CEMIP2: variants seen among roughly 807,000 people sequenced by gnomAD.
The protein encoded by CEMIP2 is cell migration inducing hyaluronidase 2.
A neutral mutation model predicts 146.9 loss-of-function variants in CEMIP2; 79 were observed. The observed-to-expected ratio is 0.54, with a 90% CI of 0.45 to 0.65. The LOEUF is 0.65. Ranked by LOEUF, CEMIP2 falls within the 30% of genes least tolerant of loss-of-function variation. CEMIP2 has a pLI of 0.00. For missense variants in CEMIP2, 1,596 were observed against 1,696.2 expected, an observed-to-expected ratio of 0.94 and a Z score of 1.04; for synonymous variants, 601 against 606.3, an observed-to-expected ratio of 0.99 and a Z score of 0.13.
chr9:71,696,348 T>G, intron 20 of CEMIP2, among the ~76,000 whole-genome samples: 1 of 152,300 alleles, frequency 6.6e-6, no homozygotes. Flanking sequence ...CATATAACTT[T>G]CATATACAGG....
Position 71,709,144 on chromosome 9 carries a change from T to G in CEMIP2, c.2985+115A>C. ...GAAAGGACAGGACAGGACAGGAAGATAGATCATACTTTGGAAAATGTCAAT... is the reference window on the plus strand; with the variant it reads ...GAAAGGACAGGACAGGACAGGAAGAGAGATCATACTTTGGAAAATGTCAAT... On this transcript the variant is annotated intron_variant, in intron 17 of 23. Transcript: ENST00000377044. The G allele has an allele frequency of 3.2e-6, 3 of 929,462 alleles. No individual in the cohort carries two copies. The Admixed American group carries it at 6.0e-5, about 19-fold the overall frequency. 57.6% of individuals were successfully genotyped at this position (929,462 alleles called of 1,614,324 possible). A position where few individuals can be genotyped will look rare whatever the true frequency, so the allele number is the denominator to read the frequency against.
chr9:71,694,524 G>T lies in CEMIP2; in HGVS notation c.3681C>A (p.Asp1227Glu), dbSNP rs562856524. Residue 1227 changes from aspartate (D) to glutamate (E), a missense_variant, in exon 21 of 24, where the codon GAC becomes GAA. Physicochemically the swap from Asp to Glu is conservative, Grantham distance 45. Transcript: ENST00000377044. ...SPDKAETQRG[D>E]PSVISVNGTD... is the part of the protein sequence containing the mutation. ...TGGTACTTACAGAAATAACAGACGG[G>T]TCTCCACGCTGGGTTTCTGCTTTAT... 3.1e-6 allele frequency: 5 copies of T among 1,613,438 alleles called. No homozygotes were observed. The highest frequency in any genetic ancestry group is 1.3e-5 in the African/African-American group (1 of 74,960).
chr9:71,736,343 T>A (rs1289080669), intron 5 of CEMIP2, among the ~76,000 whole-genome samples: 1 of 152,170 alleles, frequency 6.6e-6, no homozygotes, highest in East Asian at 1.9e-4. Flanking sequence ...ACTGCTCACC[T>A]CCTTGGAAGC....
chr9:71,755,961 C>CAAAA lies in CEMIP2; in HGVS notation c.-12-5580_-12-5577dup, dbSNP rs55972127. 2.9e-3 allele frequency among the ~76,000 whole-genome samples: 152 copies of CAAAA among 52,872 alleles called. 17 individuals are homozygous for CAAAA. The highest frequency in any genetic ancestry group is 9.0e-3 in the African/African-American group (98 of 10,934). 34.7% of individuals were successfully genotyped at this position (52,872 alleles called of 152,430 possible). On this transcript the variant is annotated intron_variant, in intron 1 of 23. Transcript: ENST00000377044. ...GGTGACAGAGCATGACTCTGTCTCACAAAAAAAAAAAAAAAAAAAAAAAAA... is the reference window on the plus strand; with the variant it reads ...GGTGACAGAGCATGACTCTGTCTCACAAAAAAAAAAAAAAAAAAAAAAAAAAAAA...
chr9:71,704,488 G>C, intron 18 of CEMIP2, 107 bp downstream of exon 18: 3 of 1,167,582 alleles, frequency 2.6e-6, no homozygotes. Flanking sequence ...AGCAAAGTAT[G>C]TAAAATTGGC....
rs10657343 is a variant in CEMIP2 at position 71,683,619 on chromosome 9, C to CA, written c.*1577dup. ...AGGTAAGATCTCATTCATCAATATACAAAAAAAAAAAACAAACCAGAAAAC... is the reference window on the plus strand; with the variant it reads ...AGGTAAGATCTCATTCATCAATATACAAAAAAAAAAAAACAAACCAGAAAAC... On this transcript the variant is annotated 3_prime_UTR_variant, in exon 24 of 24. Coordinates refer to ENST00000377044, the MANE Select transcript of CEMIP2 (RefSeq NM_013390.3). 0.64 allele frequency: 87,433 copies of CA among 136,774 alleles called. 29,098 individuals are homozygous for CA. The highest frequency in any genetic ancestry group is 0.91 in the East Asian group (4,410 of 4,824). 8.5% of individuals were successfully genotyped at this position (136,774 alleles called of 1,614,324 possible). A position where few individuals can be genotyped will look rare whatever the true frequency, so the allele number is the denominator to read the frequency against.
At chr9:71,737,990 C>G (rs1823808238) in intron 5 of CEMIP2, among the ~76,000 whole-genome samples, 1 of 152,084 alleles carries the variant, frequency 6.6e-6, no homozygotes, top group South Asian at 2.1e-4. Context: ...AACCAAAGAT[C>G]AGGGAGTTTG....
Position 71,714,689 on chromosome 9 carries a change from A to G in CEMIP2, c.2591+245T>C, listed in dbSNP as rs570600741. On this transcript the variant is annotated intron_variant, in intron 15 of 23. Coordinates refer to ENST00000377044, the MANE Select transcript of CEMIP2 (RefSeq NM_013390.3). ...ACAAGACAAGTTTCTTTGTTATAAAATTGATAATTAAATCTATGAAATGTT... is the reference window on the plus strand; with the variant it reads ...ACAAGACAAGTTTCTTTGTTATAAAGTTGATAATTAAATCTATGAAATGTT... Among the ~76,000 whole-genome samples the G allele has an allele frequency of 8.2e-4, 125 of 152,380 alleles. 1 individual carries two copies. The highest frequency in any genetic ancestry group is 2.2e-3 in the African/African-American group (93 of 41,596).
chr9:71,685,014 G>A lies in CEMIP2; in HGVS notation c.*183C>T, dbSNP rs1017718028. 4 of 530,066 alleles carry A rather than the reference G, an allele frequency of 7.5e-6. 1 individual carries two copies. In the African/African-American group the frequency reaches 7.7e-5, roughly 10 times the overall value. The allele number at this position is 530,066 out of a possible 1,614,324, so 32.8% of individuals were successfully genotyped here. A position where few individuals can be genotyped will look rare whatever the true frequency, so the allele number is the denominator to read the frequency against. On this transcript the variant is annotated 3_prime_UTR_variant, in exon 24 of 24. Transcript: ENST00000377044. ...ATACAAACAACGTCTTTAACATTTTGTACAACTAGAAGGTGCATGAAGCTG... is the reference window on the plus strand; with the variant it reads ...ATACAAACAACGTCTTTAACATTTTATACAACTAGAAGGTGCATGAAGCTG...
chr9:71,762,503 CAAA>C (rs58090104), intron 1 of CEMIP2, among the ~76,000 whole-genome samples: 6,685 of 79,562 alleles, frequency 0.084, 262 homozygotes, highest in Middle Eastern at 0.13. Flanking sequence ...GCCCCGTCAC[CAAA>C]AAAAAAAAAA....
chr9:71,751,134 C>T (rs531812815), intron 1 of CEMIP2, among the ~76,000 whole-genome samples: 6 of 152,248 alleles, frequency 3.9e-5, no homozygotes, highest in African/African-American at 1.4e-4. Flanking sequence ...CTATGTTAAG[C>T]GTACAATTCA....
intron 21 of CEMIP2, among the ~76,000 whole-genome samples, chr9:71,691,421 A>AAAAAG (rs1822223381): frequency 8.7e-6 from 1 of 115,282 alleles, no homozygotes; most frequent in African/African-American, 3.9e-5. Context: ...CTGTCTCAGG[A>AAAAAG]AAAAAAAAAT....
intron 5 of CEMIP2, among the ~76,000 whole-genome samples, chr9:71,738,102 C>T (rs1823811144): frequency 6.6e-6 from 1 of 151,038 alleles, no homozygotes; most frequent in Admixed American, 6.6e-5. Flanking sequence ...AGAATCAAAA[C>T]AAGCAGGTTA....
rs1363445773 is a variant in CEMIP2, at chr9:71,697,020, T to C, written c.3597+965A>G. ...TAGGCAGTATGCATATTTGTGGTAA[T>C]TATTGCTTTTTAAAAAAAATTATCA... On this transcript the variant is annotated intron_variant, in intron 20 of 23. Transcript: ENST00000377044. Among the ~76,000 whole-genome samples, 4 of 152,308 alleles carry C rather than the reference T, an allele frequency of 2.6e-5. No individual in the cohort carries two copies. The East Asian group carries it at 7.7e-4, about 29-fold the overall frequency.
At chr9:71,756,166 C>T (rs918498760) in intron 1 of CEMIP2, among the ~76,000 whole-genome samples, 1 of 125,608 alleles carries the variant, frequency 8.0e-6, no homozygotes, top group East Asian at 2.3e-4. Flanking sequence ...ATCACAAATT[C>T]CTGCCAAGGA....
chr9:71,716,095 C>CAA (rs1040731794), intron 14 of CEMIP2, among the ~76,000 whole-genome samples: 5 of 152,178 alleles, frequency 3.3e-5, no homozygotes, highest in African/African-American at 1.2e-4. Context: ...ACTAGAATGA[C>CAA]TATTATCTGT....
chr9:71,708,041 GC>G (rs1441347250), intron 17 of CEMIP2, among the ~76,000 whole-genome samples: 2 of 152,138 alleles, frequency 1.3e-5, no homozygotes, highest in Non-Finnish European at 2.9e-5. Context: ...AAAAAAACTA[GC>G]CGGGCATGGT....
chr9:71,704,525 TAA>T (rs766739790), intron 18 of CEMIP2, 68 bp downstream of exon 18: 114 of 1,548,268 alleles, frequency 7.4e-5, no homozygotes, highest in Non-Finnish European at 1.0e-4. Context: ...AAAGGAGACA[TAA>T]GTTATTCTTT....
intron 16 of CEMIP2, 62 bp downstream of exon 16, chr9:71,712,021 G>A (rs1822919922): frequency 4.5e-6 from 7 of 1,554,332 alleles, no homozygotes; most frequent in Non-Finnish European, 6.1e-6. Context: ...TTGTCTTTGG[G>A]AATGTGCTAT....
Sources: gnomAD v4.1 joint callset for allele counts (sites outside exome capture counted in the v4.1 genomes callset) on GRCh38, gnomAD v4.1.1 for gene constraint, MANE v1.5 for transcripts, NCBI Gene and HGNC (gene_info 2026-07-23, HGNC 2026-07-21) for gene names.